RET: variants seen among roughly 807,000 people sequenced by gnomAD.
RET encodes the protein proto-oncogene tyrosine-protein kinase receptor Ret.
In RET, 19 loss-of-function variants were observed where a neutral mutation model predicts 118.3. That is an observed-to-expected ratio of 0.16 (90% CI 0.11 to 0.24). RET has a LOEUF of 0.24. RET is among the 10% of genes least tolerant of loss of function. The pLI, the probability that RET is intolerant of heterozygous loss-of-function variation, is 1.00. For synonymous variants in RET, 597 were observed against 644.1 expected, an observed-to-expected ratio of 0.93 and a Z score of 1.11; for missense variants, 1,219 against 1,502.1, an observed-to-expected ratio of 0.81 and a Z score of 3.12.
At position 43,124,981 on chromosome 10, in the gene RET, G is replaced by C. The variant is rs1838299542; in HGVS notation, c.3038G>C (p.Arg1013Thr). ...KDLEKMMVKRRDYLDLAASTP... is the reference protein window; with the variant it reads ...KDLEKMMVKRTDYLDLAASTP... ...CTGGAGAAGATGATGGTTAAGAGGA[G>C]AGTGAGTGCCTGGGTCCAATTCCCA... The change falls in exon 18 of 20, where the codon AGA becomes ACA. Residue 1013 changes from arginine (R) to threonine (T), a missense_variant and splice_region_variant. Arg to Thr is a moderately conservative substitution (Grantham distance 71). Coordinates refer to ENST00000355710, the MANE Select transcript of RET (RefSeq NM_020975.6). 6.2e-7 allele frequency: 1 copy of C among 1,614,122 alleles called. No individual in the cohort carries two copies. The highest frequency in any genetic ancestry group is 8.5e-7 in the Non-Finnish European group (1 of 1,179,984).
intron 1 of RET, among the ~76,000 whole-genome samples, chr10:43,087,693 C>T (rs570458824): frequency 6.6e-6 from 1 of 152,310 alleles, no homozygotes; most frequent in African/African-American, 2.4e-5. Context: ...TCCTTCACAC[C>T]TGCTCTTTAT....
intron 5 of RET, among the ~76,000 whole-genome samples, chr10:43,108,241 G>C (rs970110083): frequency 6.6e-6 from 1 of 151,996 alleles, no homozygotes; most frequent in African/African-American, 2.4e-5. Context: ...TGGATTCCAG[G>C]AACCTGGGAG....
chr10:43,080,109 G>A (rs1378517711), intron 1 of RET, among the ~76,000 whole-genome samples: 1 of 152,240 alleles, frequency 6.6e-6, no homozygotes, highest in Non-Finnish European at 1.5e-5. Flanking sequence ...GGAAATCACT[G>A]TTTCCTTGGT....
At chr10:43,111,038 G>A (rs1217512882) in intron 6 of RET, among the ~76,000 whole-genome samples, 169 bp from the exon 7 acceptor site, 3 of 152,124 alleles carry the variant, frequency 2.0e-5, no homozygotes, top group African/African-American at 7.2e-5. Flanking sequence ...GGGCAGGTGG[G>A]TGGGTATGAA....
At chr10:43,095,550 C>T (rs1279194617) in intron 1 of RET, among the ~76,000 whole-genome samples, 1 of 152,198 alleles carries the variant, frequency 6.6e-6, no homozygotes, top group African/African-American at 2.4e-5. Flanking sequence ...GACTGGTCCC[C>T]TCTGCATCCA....
chr10:43,092,267 G>A (rs1404831310), intron 1 of RET, among the ~76,000 whole-genome samples: 1 of 152,186 alleles, frequency 6.6e-6, no homozygotes, highest in Admixed American at 6.5e-5. Context: ...CCCTGCAGTC[G>A]TCAAATTCGT....
Position 43,102,520 on chromosome 10 carries a change from C to T in RET, c.516C>T (p.Pro172=), listed in dbSNP as rs1588864070. 2 of 1,614,240 alleles carry T rather than the reference C, an allele frequency of 1.2e-6. No individual in the cohort carries two copies. The highest frequency in any genetic ancestry group is 1.3e-5 in the African/African-American group (1 of 75,062). ...PRELCFPETR[P]SFRIRENRPP... ...AGCTCTGCTTCCCAGAGACAAGGCC[C>T]TCCTTCCGCATTCGGGAGAACCGAC... Residue 172 remains proline, a synonymous_variant, in exon 3 of 20, where the codon CCC becomes CCT. Coordinates refer to ENST00000355710, the MANE Select transcript of RET (RefSeq NM_020975.6).
intron 1 of RET, among the ~76,000 whole-genome samples, chr10:43,096,216 G>A (rs921276151): frequency 6.6e-6 from 1 of 152,054 alleles, no homozygotes; most frequent in African/African-American, 2.4e-5. Context: ...GTCACCAGAC[G>A]TGGGTCTCGA....
intron 1 of RET, among the ~76,000 whole-genome samples, chr10:43,086,782 C>A (rs986566993): frequency 3.9e-5 from 6 of 152,274 alleles, no homozygotes; most frequent in African/African-American, 1.4e-4. Flanking sequence ...GGCAGGAGCG[C>A]CCATCATCCT....
Position 43,114,780 on chromosome 10 carries a change from G to T in RET, c.2136+44G>T, listed in dbSNP as rs2132856848. On this transcript the variant is annotated intron_variant, in intron 11 of 19. Transcript: ENST00000355710. This position sits in a 1 kb window ranked among gnomAD's most constrained non-coding sequence, Gnocchi z 4.6. ...CAGGGAAGATCCCCTGCCCTCCCCAGCTGCCTTCCAGGGAGGGAGGCCAGC... is the reference window on the plus strand; with the variant it reads ...CAGGGAAGATCCCCTGCCCTCCCCATCTGCCTTCCAGGGAGGGAGGCCAGC... 2 of 1,567,326 alleles carry T rather than the reference G, an allele frequency of 1.3e-6. No homozygotes were observed. Among genetic ancestry groups the T allele is most frequent in the Non-Finnish European group, 8.6e-7 (1 of 1,160,974 alleles).
chr10:43,120,993 A>AG (rs1459916804), intron 15 of RET, among the ~76,000 whole-genome samples: 2 of 150,974 alleles, frequency 1.3e-5, no homozygotes, highest in Non-Finnish European at 2.9e-5. Flanking sequence ...CTTTGCTCTG[A>AG]GGGGTCTGGA....
intron 3 of RET, 200 bp from the exon 4 acceptor site, chr10:43,104,752 C>T: frequency 1.3e-6 from 1 of 786,956 alleles, no homozygotes. Flanking sequence ...CTGCAAACTG[C>T]AAACTCGTAA....
chr10:43,101,654 G>A (rs561409155), intron 2 of RET, among the ~76,000 whole-genome samples: 7 of 152,348 alleles, frequency 4.6e-5, no homozygotes, highest in Non-Finnish European at 8.8e-5. Flanking sequence ...CCTGCATTTC[G>A]TAGGAGGCCT....
chr10:43,103,860 C>A (rs1309534871), intron 3 of RET, among the ~76,000 whole-genome samples: 2 of 152,222 alleles, frequency 1.3e-5, no homozygotes, highest in East Asian at 3.8e-4. Context: ...CATGGTTCTG[C>A]CTGGGAGGCT....
chr10:43,105,052 G>T lies in RET; in HGVS notation c.726G>T (p.Val242=). 1 of 1,608,702 alleles carries T rather than the reference G, an allele frequency of 6.2e-7. No homozygotes were observed. ...EQREKYELVA[V]CTVHAGAREE... is the part of the protein sequence containing the mutation. Reference sequence around the variant, plus strand: ...GGGAGAAGTACGAGCTGGTGGCCGTGTGCACCGTGCACGCCGGCGCGCGCG... The same window carrying T: ...GGGAGAAGTACGAGCTGGTGGCCGTTTGCACCGTGCACGCCGGCGCGCGCG... Residue 242 remains valine (V), a synonymous_variant, in exon 4 of 20, where the codon GTG becomes GTT. Coordinates refer to ENST00000355710, the MANE Select transcript of RET (RefSeq NM_020975.6).
At chr10:43,095,779 T>C (rs1837510563) in intron 1 of RET, among the ~76,000 whole-genome samples, 1 of 152,206 alleles carries the variant, frequency 6.6e-6, no homozygotes, top group African/African-American at 2.4e-5. Context: ...TACATAGGCC[T>C]TGAAGGTTTC....
chr10:43,110,331 TGA>T (rs1482878122), intron 6 of RET, among the ~76,000 whole-genome samples: 5 of 152,156 alleles, frequency 3.3e-5, no homozygotes, highest in Non-Finnish European at 7.3e-5. Flanking sequence ...TGAACAATTT[TGA>T]GAGTCACATG....
At chr10:43,110,491 G>C (rs1391153830) in intron 6 of RET, among the ~76,000 whole-genome samples, 1 of 152,190 alleles carries the variant, frequency 6.6e-6, no homozygotes, top group African/African-American at 2.4e-5. Context: ...TCAAGCAGCT[G>C]CAAGAGTTGC....
chr10:43,105,340 T>C, intron 4 of RET, 147 bp downstream of exon 4: 1 of 1,273,960 alleles, frequency 7.8e-7, no homozygotes, highest in Non-Finnish European at 1.1e-6. Context: ...CTGCGCCGTC[T>C]GTCCTAGGGG....
Sources: gnomAD v4.1 joint callset for allele counts (sites outside exome capture counted in the v4.1 genomes callset) on GRCh38, gnomAD v4.1.1 for gene constraint, Gnocchi (gnomAD v3.1) non-coding constraint, MANE v1.5 for transcripts, NCBI Gene and HGNC (gene_info 2026-07-23, HGNC 2026-07-21) for gene names.